Variants in KANSL2 observed in about 807,000 individuals in gnomAD.
KANSL2 encodes KAT8 regulatory NSL complex subunit 2.
In KANSL2, 34 loss-of-function variants were observed where a neutral mutation model predicts 55.6. The observed-to-expected ratio is 0.61, with a 90% CI of 0.46 to 0.81. The LOEUF is 0.81. KANSL2 is among the 40% of genes least tolerant of loss of function. KANSL2 has a pLI of 0.00. For missense variants in KANSL2, 502 were observed against 609.9 expected (o/e 0.82, Z 1.86); for synonymous variants, 209 against 214.3 (o/e 0.98, Z 0.22).
At chr12:48,681,782 C>A in intron 1 of KANSL2, 141 bp from the exon 2 acceptor site, 2 of 1,010,520 alleles carry the variant, frequency 2.0e-6, no homozygotes, top group Non-Finnish European at 3.0e-6. Context: ...CCGCCCTCCC[C>A]AAGTCTCCAC....
At position 48,679,683 on chromosome 12, in the gene KANSL2, A is replaced by G. The variant is rs2137206345; in HGVS notation, c.402T>C (p.Ser134=). ...KTELGSQTPE[S]SRSEASRILD... Reference sequence around the variant, plus strand: ...GTATTCGGCTGGCTTCACTGCGACTACTTTCTGGAGTCTGAGACCCCAGCT... The same window carrying G: ...GTATTCGGCTGGCTTCACTGCGACTGCTTTCTGGAGTCTGAGACCCCAGCT... The change falls in exon 3 of 10, where the codon AGT becomes AGC. Residue 134 remains serine, a synonymous_variant. Coordinates refer to ENST00000420613, the MANE Select transcript of KANSL2 (RefSeq NM_017822.4). 7 of 1,613,582 alleles carry G rather than the reference A, an allele frequency of 4.3e-6. No individual in the cohort carries two copies. The highest frequency in any genetic ancestry group is 5.9e-6 in the Non-Finnish European group (7 of 1,179,794).
chr12:48,654,491 A>AC (rs768619712), intron 9 of KANSL2: 1 of 643,840 alleles, frequency 1.6e-6, no homozygotes, highest in East Asian at 3.7e-5. Flanking sequence ...CAGCCACAGT[A>AC]CAACTGCTGG....
rs1372443424 is a variant in KANSL2 at position 48,660,373 on chromosome 12, A to G, written c.1220T>C (p.Phe407Ser). 3 of 1,613,808 alleles carry G rather than the reference A, an allele frequency of 1.9e-6. No homozygotes were observed. Among genetic ancestry groups the G allele is most frequent in the Middle Eastern group, 3.3e-4 (2 of 6,058 alleles). Reference protein sequence around the residue: ...LQPTESLPLEFSDDLDVVGDG... With the variant: ...LQPTESLPLESSDDLDVVGDG... ...AGAGCTTCTCTAACTTACATCACTG[A>G]ACTCCAGAGGTAAACTCTCAGTGGG... Residue 407 changes from phenylalanine (F) to serine (S), a missense_variant, in exon 8 of 10, where the codon TTC becomes TCC. Phe to Ser is a radical substitution (Grantham distance 155, BLOSUM62 -2). Transcript: ENST00000420613.
At chr12:48,661,757 C>T (rs939867866) in intron 7 of KANSL2, among the ~76,000 whole-genome samples, 1 of 152,108 alleles carries the variant, frequency 6.6e-6, no homozygotes, top group Non-Finnish European at 1.5e-5. Context: ...TGTGGCACTA[C>T]CAACACTGTA....
intron 6 of KANSL2, 71 bp from the exon 7 acceptor site, chr12:48,667,860 T>C (rs951436684): frequency 8.8e-7 from 1 of 1,138,336 alleles, no homozygotes; most frequent in African/African-American, 1.5e-5. Context: ...AAAATAGTTA[T>C]ATAAGAAAAG....
chr12:48,662,593 T>G, intron 7 of KANSL2: 1 of 1,287,056 alleles, frequency 7.8e-7, no homozygotes, highest in Non-Finnish European at 1.0e-6. Context: ...TTCAGTCGAG[T>G]GCTGTCTCCA....
intron 6 of KANSL2, among the ~76,000 whole-genome samples, chr12:48,668,350 G>C (rs1049899352): frequency 2.0e-5 from 3 of 152,218 alleles, no homozygotes; most frequent in African/African-American, 7.2e-5. Flanking sequence ...CTGAGGCCCA[G>C]AAAATTTAAG....
intron 7 of KANSL2, 174 bp downstream of exon 7, chr12:48,667,519 A>G (rs1188708673): frequency 1.4e-6 from 1 of 739,098 alleles, no homozygotes; most frequent in Non-Finnish European, 2.5e-6. Context: ...CCAACAGACC[A>G]TAGAAAGACA....
At chr12:48,655,735 C>T (rs1177812939) in intron 8 of KANSL2, among the ~76,000 whole-genome samples, 2 of 152,078 alleles carry the variant, frequency 1.3e-5, no homozygotes, top group Non-Finnish European at 2.9e-5. Context: ...AGCTGTACAA[C>T]ATGGTAAATG....
intron 8 of KANSL2, 55 bp from the exon 9 acceptor site, chr12:48,655,115 G>T: frequency 6.5e-7 from 1 of 1,529,046 alleles, no homozygotes; most frequent in South Asian, 1.2e-5. Flanking sequence ...TAATAAAGTT[G>T]GCATGTTTTT....
At position 48,679,645 on chromosome 12, in the gene KANSL2, A is replaced by G; in HGVS notation, c.430+10T>C. 6.2e-7 allele frequency: 1 copy of G among 1,610,678 alleles called. No homozygotes were observed. Among genetic ancestry groups the G allele is most frequent in the Non-Finnish European group, 8.5e-7 (1 of 1,177,954 alleles). On this transcript the variant is annotated intron_variant, in intron 3 of 9. Transcript: ENST00000420613. ...TCCTCCTTTTTCATTCCAGGAGAGA[A>G]GGTCCTTACCTAGTATTCGGCTGGC...
At chr12:48,680,675 C>T (rs1451770653) in intron 2 of KANSL2, among the ~76,000 whole-genome samples, 1 of 152,060 alleles carries the variant, frequency 6.6e-6, no homozygotes, top group African/African-American at 2.4e-5. Context: ...ACACACCCCT[C>T]CATTAAGAAG....
chr12:48,667,856 GT>G (rs1396019071), intron 6 of KANSL2, 67 bp from the exon 7 acceptor site: 2 of 1,155,952 alleles, frequency 1.7e-6, no homozygotes, highest in Non-Finnish European at 2.6e-6. Context: ...GATGAAAATA[GT>G]TATATAAGAA....
intron 9 of KANSL2, chr12:48,654,404 A>G (rs1266185724): frequency 1.3e-6 from 1 of 753,986 alleles, no homozygotes; most frequent in East Asian, 2.6e-5. Flanking sequence ...CAAATGAAAT[A>G]GCCATTCCCT....
intron 8 of KANSL2, among the ~76,000 whole-genome samples, chr12:48,658,248 T>C (rs1370437958): frequency 2.0e-5 from 3 of 151,816 alleles, no homozygotes; most frequent in Non-Finnish European, 2.9e-5. Flanking sequence ...AATGACTAGC[T>C]TGGAATTATT....
intron 7 of KANSL2, chr12:48,661,119 A>T: frequency 2.6e-6 from 1 of 377,700 alleles, no homozygotes; most frequent in Non-Finnish European, 3.7e-6. Flanking sequence ...TTAAAGCACC[A>T]CTGGAATAGG....
chr12:48,654,427 G>A (rs1001146712), intron 9 of KANSL2: 1 of 725,908 alleles, frequency 1.4e-6, no homozygotes, highest in South Asian at 1.4e-5. Context: ...TGAGGTCCCA[G>A]AACAGCCAAC....
intron 2 of KANSL2, 88 bp from the exon 3 acceptor site, chr12:48,679,921 A>C: frequency 3.4e-6 from 4 of 1,172,550 alleles, no homozygotes; most frequent in Non-Finnish European, 4.7e-6. Context: ...AATCATTTTT[A>C]GGGAATTAAA....
chr12:48,676,687 G>A (rs541680463), intron 4 of KANSL2, among the ~76,000 whole-genome samples: 22 of 152,098 alleles, frequency 1.4e-4, no homozygotes, highest in South Asian at 8.3e-4. Flanking sequence ...GATTACATGC[G>A]TAAGTCACTA....
Sources: allele counts gnomAD v4.1 joint callset (sites outside exome capture counted in the v4.1 genomes callset), GRCh38; gene constraint gnomAD v4.1.1; transcripts MANE v1.5; gene names NCBI Gene and HGNC (gene_info 2026-07-23, HGNC 2026-07-21).